Variants in NRCAM observed in about 807,000 individuals in gnomAD.
The protein encoded by NRCAM is neuronal cell adhesion molecule, also known as NgCAM-related cell adhesion molecule.
A neutral mutation model predicts 156.5 loss-of-function variants in NRCAM; 83 were observed. The ratio of observed to expected loss-of-function variants is 0.53; its 90% CI spans 0.44 to 0.64. The LOEUF is 0.64. Ranked by LOEUF, NRCAM falls within the 30% of genes least tolerant of loss-of-function variation. NRCAM has a pLI of 0.00. For synonymous variants in NRCAM, 538 were observed against 563.9 expected (o/e 0.95, Z 0.65); for missense variants, 1,417 against 1,597.3 (o/e 0.89, Z 1.92).
intron 3 of NRCAM, among the ~76,000 whole-genome samples, chr7:108,240,743 T>C (rs2095468520): frequency 1.3e-5 from 2 of 152,166 alleles, no homozygotes; most frequent in Admixed American, 1.3e-4. Flanking sequence ...TGCTGATTAA[T>C]TTTTTCTACA....
intron 32 of NRCAM, among the ~76,000 whole-genome samples, chr7:108,152,667 T>C (rs143610248): frequency 3.3e-5 from 5 of 152,258 alleles, no homozygotes; most frequent in African/African-American, 1.2e-4. Flanking sequence ...GCCACGCCCA[T>C]TTATCACATA....
chr7:108,158,803 T>C (rs561151960), intron 32 of NRCAM, among the ~76,000 whole-genome samples: 1 of 152,288 alleles, frequency 6.6e-6, no homozygotes, highest in East Asian at 1.9e-4. Context: ...ATCTTTTCCT[T>C]CTCTTGAAAA....
chr7:108,323,035 T>C (rs1449729906), intron 2 of NRCAM, among the ~76,000 whole-genome samples: 1 of 152,228 alleles, frequency 6.6e-6, no homozygotes, highest in Admixed American at 6.5e-5. Context: ...AAGTGCTGTA[T>C]AAATGTTACC....
At chr7:108,413,045 G>A (rs1797397635) in intron 1 of NRCAM, among the ~76,000 whole-genome samples, 1 of 152,076 alleles carries the variant, frequency 6.6e-6, no homozygotes, top group African/African-American at 2.4e-5. Flanking sequence ...TTGGACATAT[G>A]CCCAGTTGGA....
chr7:108,172,870 G>A (rs772649293), intron 28 of NRCAM, among the ~76,000 whole-genome samples: 28 of 151,810 alleles, frequency 1.8e-4, no homozygotes, highest in South Asian at 1.7e-3. Flanking sequence ...AAATCTGTAA[G>A]AAAGTTTAAA....
chr7:108,198,322 C>T (rs2076189367), intron 13 of NRCAM, among the ~76,000 whole-genome samples: 1 of 152,068 alleles, frequency 6.6e-6, no homozygotes, highest in African/African-American at 2.4e-5. Context: ...TCGATTGATT[C>T]TGTAACACTA....
intron 6 of NRCAM, among the ~76,000 whole-genome samples, chr7:108,233,838 T>C (rs1259528459): frequency 1.3e-5 from 2 of 152,220 alleles, no homozygotes; most frequent in Non-Finnish European, 2.9e-5. Flanking sequence ...AAAACTTCCA[T>C]ATATGACTGG....
intron 1 of NRCAM, among the ~76,000 whole-genome samples, chr7:108,412,249 T>TA (rs1796292421): frequency 1.2e-5 from 1 of 80,988 alleles, no homozygotes; most frequent in African/African-American, 4.8e-5. Flanking sequence ...AGATTGTTGT[T>TA]AAATTTTACA....
chr7:108,363,748 C>T (rs2099574105), intron 2 of NRCAM, among the ~76,000 whole-genome samples: 1 of 152,162 alleles, frequency 6.6e-6, no homozygotes, highest in African/African-American at 2.4e-5. Flanking sequence ...AAATAGCACT[C>T]TACCTCTGTG....
In NRCAM at chr7:108,200,737, TACACACACACACACAC is replaced by T. The variant is rs61489479; in HGVS notation, c.1208-2654_1208-2639del. ...ATCAATCAATGAGTGGATAAAGAAA[TACACACACACACACAC>T]ACACACACACACACACACACACACA... On this transcript the variant is annotated intron_variant, in intron 13 of 32. Transcript: ENST00000379028. Among the ~76,000 whole-genome samples the T allele has an allele frequency of 2.7e-3, 362 of 135,064 alleles. 3 individuals are homozygous for T. The highest frequency in any genetic ancestry group is 8.3e-3 in the African/African-American group (303 of 36,714). The allele number at this position is 135,064 out of a possible 152,430, so 88.6% of individuals were successfully genotyped here. A position where few individuals can be genotyped will look rare whatever the true frequency, so the allele number is the denominator to read the frequency against.
chr7:108,336,237 T>C (rs1371495032), intron 2 of NRCAM, among the ~76,000 whole-genome samples: 20 of 152,218 alleles, frequency 1.3e-4, no homozygotes, highest in Non-Finnish European at 4.4e-5. Context: ...ACAAGTCCAG[T>C]GCCCCTTCCC....
intron 1 of NRCAM, among the ~76,000 whole-genome samples, chr7:108,429,451 C>G (rs1158373643): frequency 2.0e-5 from 3 of 152,182 alleles, no homozygotes; most frequent in Non-Finnish European, 4.4e-5. Context: ...CTTTGCCTCC[C>G]AAACTGTTGG....
chr7:108,227,463 A>G (rs2093660730), intron 8 of NRCAM, among the ~76,000 whole-genome samples: 1 of 152,208 alleles, frequency 6.6e-6, no homozygotes, highest in Non-Finnish European at 1.5e-5. Flanking sequence ...CTTTGTTGTG[A>G]AAACGTTCAA....
At position 108,209,574 on chromosome 7, in the gene NRCAM, C is replaced by T; in HGVS notation, c.922G>A (p.Asp308Asn). Residue 308 changes from aspartate to asparagine, a missense_variant, in exon 12 of 33, where the codon GAT becomes AAT. Physicochemically the swap from Asp to Asn is conservative, Grantham distance 23. Around this residue, in one of 2 missense-constraint regions of NRCAM, gnomAD observed 1,238 missense variants for 1,336.4 expected, o/e 0.93. Transcript: ENST00000379028. ...PTPIIYWAKE[D>N]GMLPKNRTVY... ...GTCCTGTTTTTGGGTAGCATTCCAT[C>T]TTCCTTTGCCCAGTAAATAATTGGG... 1.2e-6 allele frequency: 2 copies of T among 1,610,522 alleles called. No homozygotes were observed. The highest frequency in any genetic ancestry group is 1.7e-6 in the Non-Finnish European group (2 of 1,178,846).
intron 3 of NRCAM, among the ~76,000 whole-genome samples, chr7:108,308,445 G>A (rs774024060): frequency 6.6e-6 from 1 of 152,206 alleles, no homozygotes; most frequent in Non-Finnish European, 1.5e-5. Flanking sequence ...GTGTATAAAT[G>A]CTAAGTGCTC....
chr7:108,171,608 C>G (rs2058452070), intron 28 of NRCAM, among the ~76,000 whole-genome samples: 1 of 152,124 alleles, frequency 6.6e-6, no homozygotes, highest in Non-Finnish European at 1.5e-5. Flanking sequence ...CTTTGTGAAG[C>G]TTTTCCTGAT....
chr7:108,297,446 G>A (rs2098472767), intron 3 of NRCAM, among the ~76,000 whole-genome samples: 1 of 152,126 alleles, frequency 6.6e-6, no homozygotes, highest in Non-Finnish European at 1.5e-5. Flanking sequence ...AATTAAAGCA[G>A]CATTTAATTA....
rs750035246 is a variant in NRCAM at position 108,180,403 on chromosome 7, A to T, written c.2671T>A (p.Ser891Thr). 2 of 1,614,170 alleles carry T rather than the reference A, an allele frequency of 1.2e-6. No homozygotes were observed. Among genetic ancestry groups the T allele is most frequent in the Non-Finnish European group, 1.7e-6 (2 of 1,179,992 alleles). The change falls in exon 25 of 33, where the codon TCA becomes ACA. Residue 891 changes from serine (S) to threonine (T), a missense_variant. Physicochemically the swap from Ser to Thr is moderately conservative, Grantham distance 58 (BLOSUM62 1). Around this residue, in one of 2 missense-constraint regions of NRCAM, gnomAD observed 1,238 missense variants for 1,336.4 expected, o/e 0.93. Transcript: ENST00000379028. ...ATGTGACGTCTGTTTCTTTTAGATGAACTCTGGGTCTTCCAATAGTAAATC... is the reference window on the plus strand; with the variant it reads ...ATGTGACGTCTGTTTCTTTTAGATGTACTCTGGGTCTTCCAATAGTAAATC... The part of the protein sequence containing the change: ...YRIYYWKTQS[S>T]SKRNRRHIEK...
At chr7:108,204,189 G>C (rs1442834580) in intron 13 of NRCAM, among the ~76,000 whole-genome samples, 1 of 152,186 alleles carries the variant, frequency 6.6e-6, no homozygotes, top group Non-Finnish European at 1.5e-5. Flanking sequence ...AAAAGAGAGC[G>C]GCACAGGGCT....
Sources: gnomAD v4.1 joint callset for allele counts (sites outside exome capture counted in the v4.1 genomes callset) on GRCh38, gnomAD v4.1.1 for gene constraint, gnomAD v4.1.1 regional missense constraint, MANE v1.5 for transcripts, NCBI Gene and HGNC (gene_info 2026-07-23, HGNC 2026-07-21) for gene names.